Variants in FSD1L observed in about 807,000 individuals in gnomAD.
FSD1L encodes fibronectin type III and SPRY domain containing 1 like, also known as FSD1-like protein.
FSD1L carries 45 observed loss-of-function variants against 71.6 expected under a neutral mutation model. The ratio of observed to expected loss-of-function variants is 0.63; its 90% CI spans 0.49 to 0.81. The LOEUF (loss-of-function observed/expected upper bound fraction) is 0.81. Among genes scored for constraint, FSD1L ranks in the 30% least tolerant of loss-of-function variants. FSD1L has a pLI of 0.00. For synonymous variants in FSD1L, 197 were observed against 207.2 expected, an observed-to-expected ratio of 0.95 and a Z score of 0.42; for missense variants, 561 against 618.1, an observed-to-expected ratio of 0.91 and a Z score of 0.98.
At chr9:105,442,338 C>A in the FSD1L span, among the ~76,000 whole-genome samples, 1 of 151,954 alleles carries the variant, frequency 6.6e-6, no homozygotes, top group Non-Finnish European at 1.5e-5. Flanking sequence ...AATGGTTTTG[C>A]CCTCCAGTTT....
chr9:105,495,367 G>T (rs1833298714), intron 7 of FSD1L, among the ~76,000 whole-genome samples: 1 of 152,088 alleles, frequency 6.6e-6, no homozygotes, highest in Non-Finnish European at 1.5e-5. Context: ...TGCAGTATTG[G>T]GGTGGGAATG....
upstream of FSD1L, among the ~76,000 whole-genome samples, chr9:105,445,149 T>C (rs1182768593): frequency 6.6e-6 from 1 of 152,164 alleles, no homozygotes; most frequent in African/African-American, 2.4e-5. Context: ...CCCAGCTCGG[T>C]ACGTGGCTGT....
Position 105,506,435 on chromosome 9 carries a change from T to C in FSD1L, c.623T>C (p.Leu208Ser). The C allele has an allele frequency of 1.9e-6, 3 of 1,551,888 alleles. No homozygotes were observed. Among genetic ancestry groups the C allele is most frequent in the Non-Finnish European group, 2.6e-6 (3 of 1,146,992 alleles). ...KAPEIDPVEC[L>S]VADNSVTVAW... ...CCAGAGATAGATCCAGTAGAGTGTTTGGTGGCAGATAACTCTGTAACAGTG... is the reference window on the plus strand; with the variant it reads ...CCAGAGATAGATCCAGTAGAGTGTTCGGTGGCAGATAACTCTGTAACAGTG... The change falls in exon 8 of 14, where the codon TTG (leucine) becomes TCG (serine). Residue 208 changes from leucine to serine, a missense_variant. By Grantham distance (145) the Leu-to-Ser change is moderately radical. Coordinates refer to ENST00000481272, the MANE Select transcript of FSD1L (RefSeq NM_001145313.3).
At chr9:105,506,138 C>T (rs1009544614) in intron 7 of FSD1L, among the ~76,000 whole-genome samples, 5 of 152,258 alleles carry the variant, frequency 3.3e-5, no homozygotes, top group Non-Finnish European at 7.4e-5. Context: ...TTATATTCTA[C>T]AGCTATTTGA....
At chr9:105,498,815 G>A (rs1207549585) in intron 7 of FSD1L, among the ~76,000 whole-genome samples, 1 of 152,016 alleles carries the variant, frequency 6.6e-6, no homozygotes, top group Non-Finnish European at 1.5e-5. Flanking sequence ...GTAGAGATGG[G>A]GTTTCGCCAT....
intron 7 of FSD1L, among the ~76,000 whole-genome samples, chr9:105,492,242 G>C (rs891240557): frequency 2.0e-5 from 3 of 151,978 alleles, no homozygotes; most frequent in African/African-American, 7.3e-5. Flanking sequence ...TGTATGTGTC[G>C]AGGAATTTAT....
At position 105,546,396 on chromosome 9, in the gene FSD1L, G is replaced by C; in HGVS notation, c.1506G>C (p.Gln502His). ...CGGLSLSTGM[Q>H]VPSAVRTLQK... Reference sequence around the variant, plus strand: ...GACTTTCTTTGAGTACTGGGATGCAGGTTCCAAGTGCTGTGAGAACACTTC... The same window carrying C: ...GACTTTCTTTGAGTACTGGGATGCACGTTCCAAGTGCTGTGAGAACACTTC... The change falls in exon 14 of 14, where the codon CAG (glutamine) becomes CAC (histidine). Residue 502 changes from glutamine to histidine, a missense_variant. By Grantham distance (24) the Gln-to-His change is conservative. This residue lies in a region of FSD1L where 98 missense variants were observed against 102.3 expected (regional missense o/e 0.96). Coordinates refer to ENST00000481272, the MANE Select transcript of FSD1L (RefSeq NM_001145313.3). 1 of 1,550,248 alleles carries C rather than the reference G, an allele frequency of 6.5e-7. No individual in the cohort carries two copies. The highest frequency in any genetic ancestry group is 8.7e-7 in the Non-Finnish European group (1 of 1,146,114).
In FSD1L at chr9:105,466,739, T is replaced by C. The variant is rs142340065; in HGVS notation, c.208-1454T>C. ...TTTTAGCTATCTTGAACTATTTTAT[T>C]GGAAAATTGGTGAATCAGCTTTCTT... On this transcript the variant is annotated intron_variant, in intron 3 of 13. Transcript: ENST00000481272. 5.4e-3 allele frequency among the ~76,000 whole-genome samples: 823 copies of C among 152,226 alleles called. 5 individuals are homozygous for C. The highest frequency in any genetic ancestry group is 0.019 in the African/African-American group (781 of 41,528).
chr9:105,496,106 T>G (rs866699414), intron 7 of FSD1L, among the ~76,000 whole-genome samples: 3 of 152,208 alleles, frequency 2.0e-5, no homozygotes, highest in African/African-American at 7.2e-5. Context: ...CTAATAATGT[T>G]TAGCCTATCT....
chr9:105,489,666 C>G (rs1022663088), intron 7 of FSD1L, among the ~76,000 whole-genome samples: 1 of 152,178 alleles, frequency 6.6e-6, no homozygotes, highest in Admixed American at 6.5e-5. Flanking sequence ...TCCCCTCACC[C>G]CACAACAGTC....
chr9:105,522,678 C>T (rs945051510), intron 10 of FSD1L: 19 of 1,611,812 alleles, frequency 1.2e-5, no homozygotes, highest in South Asian at 3.3e-5. Flanking sequence ...CACTGTTGAA[C>T]GAGCCAAAGT....
At chr9:105,534,918 A>G in intron 11 of FSD1L, 149 bp from the exon 12 acceptor site, 1 of 727,436 alleles carries the variant, frequency 1.4e-6, no homozygotes, top group Non-Finnish European at 2.3e-6. Flanking sequence ...GGTACTCAGC[A>G]TTTAATGTCT....
intron 7 of FSD1L, among the ~76,000 whole-genome samples, chr9:105,493,465 C>G (rs1457699247): frequency 1.3e-5 from 2 of 151,438 alleles, no homozygotes; most frequent in African/African-American, 2.4e-5. Context: ...ATTTGCCAGT[C>G]TGTGTCTTTT....
chr9:105,527,905 C>T lies in FSD1L; in HGVS notation c.1026-6588C>T, dbSNP rs192679856. Among the ~76,000 whole-genome samples, 9 of 152,250 alleles carry T rather than the reference C, an allele frequency of 5.9e-5. No homozygotes were observed. In the East Asian group the frequency reaches 1.7e-3, roughly 29 times the overall value. The stretch of plus-strand genomic sequence containing the variant: ...GTATATTTAGAAAACCCCATCTTTT[C>T]AGCCCAAAATCTCCTTAAGCTTATA... On this transcript the variant is annotated intron_variant, in intron 10 of 13. Transcript: ENST00000481272.
At chr9:105,443,857 A>G (rs967864083), upstream of FSD1L, among the ~76,000 whole-genome samples, 8 of 152,200 alleles carry the variant, frequency 5.3e-5, no homozygotes, top group East Asian at 1.5e-3. Context: ...ACTGTGCTCA[A>G]AATTTAATAT....
intron 10 of FSD1L, among the ~76,000 whole-genome samples, chr9:105,514,628 T>C (rs558218555): frequency 1.3e-3 from 198 of 152,104 alleles, no homozygotes; most frequent in Non-Finnish European, 2.0e-3. Flanking sequence ...GGTGGTTAGG[T>C]AGGATAGCCA....
chr9:105,534,207 T>C (rs1295186371), intron 10 of FSD1L, among the ~76,000 whole-genome samples: 1 of 152,216 alleles, frequency 6.6e-6, no homozygotes, highest in Non-Finnish European at 1.5e-5. Flanking sequence ...TCTTGTCACA[T>C]TTTAGCATTG....
intron 10 of FSD1L, chr9:105,522,736 T>C: frequency 3.7e-6 from 6 of 1,605,126 alleles, no homozygotes; most frequent in Non-Finnish European, 5.1e-6. Flanking sequence ...AATAGTGATA[T>C]TGGCAGCAGC....
intron 10 of FSD1L, chr9:105,522,157 T>C (rs1310963825): frequency 6.2e-7 from 1 of 1,614,028 alleles, no homozygotes; most frequent in African/African-American, 1.3e-5. Flanking sequence ...AACCTAAATG[T>C]GTACATCTCC....
Sources: allele counts gnomAD v4.1 joint callset (sites outside exome capture counted in the v4.1 genomes callset), GRCh38; gene constraint gnomAD v4.1.1; regional missense constraint gnomAD v4.1.1; transcripts MANE v1.5; gene names NCBI Gene and HGNC (gene_info 2026-07-23, HGNC 2026-07-21).